The following PELI1 variants were observed in gnomAD, a reference collection of about 807,000 sequenced individuals.
PELI1 encodes the protein pellino E3 ubiquitin protein ligase 1.
A neutral mutation model predicts 41.3 loss-of-function variants in PELI1; 15 were observed. The observed-to-expected ratio is 0.36, with a 90% CI of 0.24 to 0.56. PELI1 has a LOEUF of 0.56. Ranked by LOEUF, PELI1 falls within the 20% of genes least tolerant of loss-of-function variation. The pLI, the probability that PELI1 is intolerant of heterozygous loss-of-function variation, is 0.82. For synonymous variants in PELI1, 178 were observed against 180.1 expected (o/e 0.99, Z 0.09); for missense variants, 403 against 525.5 (o/e 0.77, Z 2.28).
At chr2:64,106,570 T>C (rs569860949) in intron 2 of PELI1, among the ~76,000 whole-genome samples, 2 of 152,350 alleles carry the variant, frequency 1.3e-5, no homozygotes, top group South Asian at 4.1e-4. Flanking sequence ...GTAGTTACTA[T>C]GCTAAATTTA....
intron 6 of PELI1, 61 bp from the exon 7 acceptor site, chr2:64,095,329 GTT>G: frequency 8.2e-7 from 1 of 1,217,594 alleles, no homozygotes; most frequent in Non-Finnish European, 1.2e-6. Context: ...TTACATAAGT[GTT>G]TTGGTTTTAA....
At chr2:64,098,336 A>C (rs1234513524) in intron 4 of PELI1, among the ~76,000 whole-genome samples, 1 of 152,208 alleles carries the variant, frequency 6.6e-6, no homozygotes, top group Non-Finnish European at 1.5e-5. Flanking sequence ...ATTATTTCTG[A>C]TAATAGTTAG....
chr2:64,103,338 G>A (rs1485997395), intron 3 of PELI1, among the ~76,000 whole-genome samples: 2 of 152,110 alleles, frequency 1.3e-5, no homozygotes, highest in East Asian at 1.9e-4. Context: ...GCAGTCTAAG[G>A]GGCATCTGAA....
chr2:64,143,697 G>T (rs1681995770), intron 1 of PELI1, among the ~76,000 whole-genome samples: 1 of 152,092 alleles, frequency 6.6e-6, no homozygotes, highest in Non-Finnish European at 1.5e-5. Flanking sequence ...TATCAGATCC[G>T]CACAAACAAA....
intron 1 of PELI1, among the ~76,000 whole-genome samples, chr2:64,139,414 T>C (rs1159209250): frequency 2.0e-5 from 3 of 152,092 alleles, no homozygotes; most frequent in Admixed American, 2.0e-4. Context: ...TAAGTGATCT[T>C]CCCACCTCAG....
chr2:64,106,893 G>C (rs1680639530), intron 2 of PELI1, among the ~76,000 whole-genome samples: 1 of 152,158 alleles, frequency 6.6e-6, no homozygotes, highest in South Asian at 2.1e-4. Flanking sequence ...CAAAAGGAGG[G>C]AAACAGTAGG....
chr2:64,108,479 A>G (rs1026129317), intron 1 of PELI1, 100 bp from the exon 2 acceptor site: 3 of 577,460 alleles, frequency 5.2e-6, no homozygotes, highest in African/African-American at 1.9e-5. Flanking sequence ...TATTATGCAA[A>G]CCATCACAAG....
At chr2:64,120,983 T>C (rs1052212757) in intron 1 of PELI1, among the ~76,000 whole-genome samples, 3 of 152,230 alleles carry the variant, frequency 2.0e-5, no homozygotes, top group African/African-American at 7.2e-5. Flanking sequence ...GCTACAAGTT[T>C]ACTTCTGTTG....
chr2:64,101,729 A>G (rs1280323208), intron 3 of PELI1, among the ~76,000 whole-genome samples: 2 of 152,200 alleles, frequency 1.3e-5, no homozygotes, highest in Admixed American at 6.5e-5. Flanking sequence ...CCAAATATAC[A>G]AAGAGAATAC....
intron 1 of PELI1, among the ~76,000 whole-genome samples, chr2:64,137,156 AT>A (rs1377347970): frequency 9.9e-5 from 15 of 152,164 alleles, no homozygotes; most frequent in Non-Finnish European, 2.2e-4. Flanking sequence ...TTTTGGGGGC[AT>A]TTAAACATTT....
At chr2:64,102,350 A>G (rs1680470803) in intron 3 of PELI1, among the ~76,000 whole-genome samples, 1 of 151,924 alleles carries the variant, frequency 6.6e-6, no homozygotes, top group African/African-American at 2.4e-5. Flanking sequence ...ATACACACGC[A>G]CACACACATA....
At chr2:64,126,377 C>T (rs556154662) in intron 1 of PELI1, among the ~76,000 whole-genome samples, 3 of 152,244 alleles carry the variant, frequency 2.0e-5, no homozygotes, top group East Asian at 1.9e-4. Context: ...TTGGCCAGGA[C>T]GGTCACGATC....
At chr2:64,124,036 A>G (rs1681307906) in intron 1 of PELI1, among the ~76,000 whole-genome samples, 1 of 152,236 alleles carries the variant, frequency 6.6e-6, no homozygotes, top group Admixed American at 6.5e-5. Flanking sequence ...GAAGTCAGTC[A>G]CAAAGGATCA....
chr2:64,139,524 G>A (rs953033902), intron 1 of PELI1, among the ~76,000 whole-genome samples: 4 of 152,092 alleles, frequency 2.6e-5, no homozygotes, highest in Non-Finnish European at 4.4e-5. Flanking sequence ...TGAACTCCTG[G>A]ACAAGAGGGA....
In PELI1 at chr2:64,094,569, T is replaced by C. The variant is rs1159677446; in HGVS notation, c.*133A>G. Reference sequence around the variant, plus strand: ...GCTCAGAAATTGCTACTATTTATTATAAATGTTTTAAAAAATTCTTCATCT... The same window carrying C: ...GCTCAGAAATTGCTACTATTTATTACAAATGTTTTAAAAAATTCTTCATCT... On this transcript the variant is annotated 3_prime_UTR_variant, in exon 7 of 7. Transcript: ENST00000358912. 5.3e-6 allele frequency: 3 copies of C among 570,324 alleles called. No individual in the cohort carries two copies. The highest frequency in any genetic ancestry group is 9.1e-6 in the Non-Finnish European group (3 of 329,118). The allele number at this position is 570,324 out of a possible 1,614,324, so 35.3% of individuals were successfully genotyped here. A position where few individuals can be genotyped will look rare whatever the true frequency, so the allele number is the denominator to read the frequency against.
chr2:64,112,761 T>A (rs770507682), intron 1 of PELI1, among the ~76,000 whole-genome samples: 1 of 152,154 alleles, frequency 6.6e-6, no homozygotes, highest in South Asian at 2.1e-4. Flanking sequence ...AAATGGCATA[T>A]AATCAATCAA....
rs529599725 is a variant in PELI1 at position 64,093,990 on chromosome 2, G to A, written c.*712C>T. 1.0e-4 allele frequency: 16 copies of A among 152,704 alleles called. No individual in the cohort carries two copies. Among genetic ancestry groups the A allele is most frequent in the African/African-American group, 3.9e-4 (16 of 41,554 alleles). The allele number at this position is 152,704 out of a possible 1,614,324, so 9.5% of individuals were successfully genotyped here. A position where few individuals can be genotyped will look rare whatever the true frequency, so the allele number is the denominator to read the frequency against. ...CATTAAGTTTTTGTTATAGTACTAC[G>A]CTCGAGAGAAACATTAAGAAAAAAT... On this transcript the variant is annotated 3_prime_UTR_variant, in exon 7 of 7. Coordinates refer to ENST00000358912, the MANE Select transcript of PELI1 (RefSeq NM_020651.4).
chr2:64,094,673 A>C lies in PELI1; in HGVS notation c.*29T>G. ...CCCAACTCACTTAGCTTATAAATTT[A>C]TAATGTAGTCCTGCAAGACAATGGT... On this transcript the variant is annotated 3_prime_UTR_variant, in exon 7 of 7. Transcript: ENST00000358912. The C allele has an allele frequency of 6.5e-7, 1 of 1,537,660 alleles. No homozygotes were observed. The highest frequency in any genetic ancestry group is 8.9e-7 in the Non-Finnish European group (1 of 1,117,450).
chr2:64,095,350 T>C lies in PELI1; in HGVS notation c.691-82A>G, dbSNP rs1052783924. 5 of 800,444 alleles carry C rather than the reference T, an allele frequency of 6.2e-6. No individual in the cohort carries two copies. The African/African-American group carries it at 8.6e-5, about 14-fold the overall frequency. 49.6% of individuals were successfully genotyped at this position (800,444 alleles called of 1,614,324 possible). A position where few individuals can be genotyped will look rare whatever the true frequency, so the allele number is the denominator to read the frequency against. On this transcript the variant is annotated intron_variant, in intron 6 of 6. Transcript: ENST00000358912. ...AAGTGTTTTGGTTTTAAGTACTCCT[T>C]ACTCAAGAAATGAGGTTTCCTAGGA...
Sources: allele counts gnomAD v4.1 joint callset (sites outside exome capture counted in the v4.1 genomes callset), GRCh38; gene constraint gnomAD v4.1.1; transcripts MANE v1.5; gene names NCBI Gene and HGNC (gene_info 2026-07-23, HGNC 2026-07-21).